CNOT1: variants seen among roughly 807,000 people sequenced by gnomAD.
The protein encoded by CNOT1 is CCR4-NOT transcription complex subunit 1, also known as CCR4-associated factor 1.
In CNOT1, 15 loss-of-function variants were observed where a neutral mutation model predicts 273.8. The ratio of observed to expected loss-of-function variants is 0.05; its 90% CI spans 0.04 to 0.08. The LOEUF (loss-of-function observed/expected upper bound fraction) is 0.08. CNOT1 is among the 10% of genes least tolerant of loss of function. The probability of loss-of-function intolerance (pLI) is 1.00; values close to 1 mark genes in which losing one functional copy is unlikely to be tolerated. For missense variants in CNOT1, 1,644 were observed against 2,912.2 expected, an observed-to-expected ratio of 0.56 and a Z score of 10.02; for synonymous variants, 1,022 against 1,005.5, an observed-to-expected ratio of 1.02 and a Z score of -0.31.
chr16:58,598,944 G>C (rs1567435046), intron 2 of CNOT1: 1 of 285,276 alleles, frequency 3.5e-6, no homozygotes. Flanking sequence ...CCAGCTACTC[G>C]GGAGGCTGAG....
rs1042682179 is a variant in CNOT1 at position 58,528,148 on chromosome 16, T to C, written c.6453+327A>G. 6.0e-6 allele frequency: 3 copies of C among 498,654 alleles called. No individual in the cohort carries two copies. The Admixed American group carries it at 6.9e-5, about 12-fold the overall frequency. The allele number at this position is 498,654 out of a possible 1,614,324, so 30.9% of individuals were successfully genotyped here. A position where few individuals can be genotyped will look rare whatever the true frequency, so the allele number is the denominator to read the frequency against. ...AAAGATTACAAAGGTCTGTTTGTTC[T>C]GCAATTCTTTGCCATGTGGGGCACA... On this transcript the variant is annotated intron_variant, in intron 44 of 48. Coordinates refer to ENST00000317147, the MANE Select transcript of CNOT1 (RefSeq NM_016284.5).
At position 58,556,984 on chromosome 16, in the gene CNOT1, A is replaced by C. The variant is rs1479869416; in HGVS notation, c.2342T>G (p.Leu781Arg). The stretch of plus-strand genomic sequence containing the variant: ...TATACCAGTCAGGCTGCCTGTGCCA[A>C]GACCACCTACTAGAGAGAACGAAGG... ...GLSSQLPVGG[L>R]GTGSLTGIGT... The change falls in exon 19 of 49, where the codon CTT becomes CGT. Residue 781 changes from leucine to arginine, a missense_variant. Leu to Arg is a moderately radical substitution (Grantham distance 102). Coordinates refer to ENST00000317147, the MANE Select transcript of CNOT1 (RefSeq NM_016284.5). The C allele has an allele frequency of 6.2e-7, 1 of 1,613,944 alleles. No homozygotes were observed. Among genetic ancestry groups the C allele is most frequent in the Non-Finnish European group, 8.5e-7 (1 of 1,179,952 alleles).
At chr16:58,589,928 TGA>T (rs773277873) in intron 2 of CNOT1, among the ~76,000 whole-genome samples, 1 of 152,222 alleles carries the variant, frequency 6.6e-6, no homozygotes, top group Non-Finnish European at 1.5e-5. Context: ...ACCTTATCAG[TGA>T]GGTCTTATTA....
intron 7 of CNOT1, among the ~76,000 whole-genome samples, chr16:58,585,933 A>C (rs1354901435): frequency 6.6e-6 from 1 of 152,058 alleles, no homozygotes; most frequent in Non-Finnish European, 1.5e-5. Context: ...ATAAACATTA[A>C]GAAGTAAATA....
At position 58,545,263 on chromosome 16, in the gene CNOT1, A is replaced by T. The variant is rs1452609636; in HGVS notation, c.4137+98T>A. On this transcript the variant is annotated intron_variant, in intron 30 of 48. Coordinates refer to ENST00000317147, the MANE Select transcript of CNOT1 (RefSeq NM_016284.5). Reference sequence around the variant, plus strand: ...CTCTGACAAACTCTACAACCTAGGAATCCAGAGGGAAGGGCAAAGAGCTGA... The same window carrying T: ...CTCTGACAAACTCTACAACCTAGGATTCCAGAGGGAAGGGCAAAGAGCTGA... The T allele has an allele frequency of 5.2e-6, 8 of 1,542,268 alleles. No individual in the cohort carries two copies. In the East Asian group the frequency reaches 1.8e-4, roughly 35 times the overall value.
At position 58,578,705 on chromosome 16, in the gene CNOT1, A is replaced by G. The variant is rs774904544; in HGVS notation, c.1578T>C (p.His526=). The G allele has an allele frequency of 2.9e-5, 47 of 1,614,140 alleles. No individual in the cohort carries two copies. The African/African-American group carries it at 4.7e-4, about 16-fold the overall frequency. Residue 526 remains histidine, a synonymous_variant, in exon 13 of 49, where the codon CAT becomes CAC. Transcript: ENST00000317147. ...NSAIILHYAW[H]GQGQSPSIRQ... ...GCACACGGTCACATCTTACCTGCCC[A>G]TGCCATGCATAGTGCAAAATAATAG...
At chr16:58,550,050 A>C in intron 24 of CNOT1, 152 bp from the exon 25 acceptor site, 1 of 1,229,276 alleles carries the variant, frequency 8.1e-7, no homozygotes, top group Non-Finnish European at 1.1e-6. Context: ...AGATGCTATG[A>C]AGAAAAGTAT....
Position 58,599,237 on chromosome 16 carries a change from T to A in CNOT1, c.101A>T (p.His34Leu). Residue 34 changes from histidine to leucine, a missense_variant and splice_region_variant, in exon 2 of 49, where the codon CAT becomes CTT. This residue lies in a region of CNOT1 where 706 missense variants were observed against 1,021.2 expected (regional missense o/e 0.69). Transcript: ENST00000317147. Reference sequence around the variant, plus strand: ...TTGTTTTCTGGCTAGTTTACTTACATGCTGTATTTCCTGCTGGCTGGCTCG... The same window carrying A: ...TTGTTTTCTGGCTAGTTTACTTACAAGCTGTATTTCCTGCTGGCTGGCTCG... ...NYRASQQEIQ[H>L]IVNRHGPEAD... 1 of 1,614,182 alleles carries A rather than the reference T, an allele frequency of 6.2e-7. No homozygotes were observed. Among genetic ancestry groups the A allele is most frequent in the Non-Finnish European group, 8.5e-7 (1 of 1,180,028 alleles).
intron 1 of CNOT1, among the ~76,000 whole-genome samples, chr16:58,617,349 A>C (rs573555704): frequency 4.6e-5 from 7 of 152,260 alleles, no homozygotes; most frequent in South Asian, 2.1e-4. Flanking sequence ...CAACAGAGCA[A>C]GAGTGTCTCA....
At position 58,534,596 on chromosome 16, in the gene CNOT1, T is replaced by G. The variant is rs372278443; in HGVS notation, c.5647-201A>C. On this transcript the variant is annotated intron_variant, in intron 39 of 48. Coordinates refer to ENST00000317147, the MANE Select transcript of CNOT1 (RefSeq NM_016284.5). ...AGAATTCCTCCAGTTTTAAGTTTAATGTAGAACAGGGAAGATGGAAACTGA... is the reference window on the plus strand; with the variant it reads ...AGAATTCCTCCAGTTTTAAGTTTAAGGTAGAACAGGGAAGATGGAAACTGA... 4.6e-5 allele frequency among the ~76,000 whole-genome samples: 7 copies of G among 152,206 alleles called. No homozygotes were observed. The East Asian group carries it at 1.2e-3, about 25-fold the overall frequency.
chr16:58,628,770 T>TA (rs1425459136), intron 1 of CNOT1, among the ~76,000 whole-genome samples: 2 of 152,228 alleles, frequency 1.3e-5, no homozygotes, highest in Admixed American at 6.5e-5. Flanking sequence ...AAGTTTATTT[T>TA]AAATACAACA....
chr16:58,603,407 AAGTGTGTGTGTGTGTG>A (rs1201084159), intron 1 of CNOT1, among the ~76,000 whole-genome samples: 126 of 126,378 alleles, frequency 1.0e-3, no homozygotes, highest in Middle Eastern at 3.9e-3. Flanking sequence ...TACAATTTAA[AAGTGTGTGTGTGTGTG>A]TGTGTGTGTG....
chr16:58,565,025 C>T (rs2040990742), intron 16 of CNOT1, among the ~76,000 whole-genome samples: 1 of 152,182 alleles, frequency 6.6e-6, no homozygotes, highest in Non-Finnish European at 1.5e-5. Context: ...CAATGGTATA[C>T]ATTTGCCTTA....
At chr16:58,606,470 C>T (rs949316254) in intron 1 of CNOT1, among the ~76,000 whole-genome samples, 1 of 152,064 alleles carries the variant, frequency 6.6e-6, no homozygotes, top group Admixed American at 6.6e-5. Flanking sequence ...TTTCCTAATA[C>T]TAAAATACTA....
intron 47 of CNOT1, 84 bp downstream of exon 47, chr16:58,523,279 TCACTGAA>T: frequency 7.2e-7 from 1 of 1,379,950 alleles, no homozygotes; most frequent in Middle Eastern, 1.9e-4. Context: ...AAACGGATTT[TCACTGAA>T]CACTGAAAGC....
chr16:58,579,061 A>G (rs1444607789), intron 12 of CNOT1, 122 bp from the exon 13 acceptor site: 2 of 1,460,576 alleles, frequency 1.4e-6, no homozygotes, highest in Non-Finnish European at 1.8e-6. Flanking sequence ...TTAATATTAG[A>G]AGTTTGAAGT....
intron 8 of CNOT1, among the ~76,000 whole-genome samples, chr16:58,584,480 G>A (rs2041768772): frequency 6.6e-6 from 1 of 151,962 alleles, no homozygotes; most frequent in Non-Finnish European, 1.5e-5. Flanking sequence ...ATAGGCACGT[G>A]CCACCACACC....
At chr16:58,589,643 A>C (rs2041989638) in intron 2 of CNOT1, among the ~76,000 whole-genome samples, 1 of 152,252 alleles carries the variant, frequency 6.6e-6, no homozygotes, top group African/African-American at 2.4e-5. Flanking sequence ...GGCATTGATC[A>C]AATGTGTAAC....
At chr16:58,554,501 T>C (rs570494923) in intron 21 of CNOT1, among the ~76,000 whole-genome samples, 27 of 152,298 alleles carry the variant, frequency 1.8e-4, no homozygotes, top group African/African-American at 6.5e-4. Flanking sequence ...GTGGTGGTAG[T>C]TACACAACTG....
Sources: gnomAD v4.1 joint callset for allele counts (sites outside exome capture counted in the v4.1 genomes callset) on GRCh38, gnomAD v4.1.1 for gene constraint, gnomAD v4.1.1 regional missense constraint, MANE v1.5 for transcripts, NCBI Gene and HGNC (gene_info 2026-07-23, HGNC 2026-07-21) for gene names.